THRB: variants seen among roughly 807,000 people sequenced by gnomAD.
THRB encodes thyroid hormone receptor beta, also known as nuclear receptor subfamily 1 group A member 2.
A neutral mutation model predicts 47.8 loss-of-function variants in THRB; 12 were observed. The observed-to-expected ratio is 0.25, with a 90% CI of 0.16 to 0.41. The LOEUF is 0.41. Among genes scored for constraint, THRB ranks in the 10% least tolerant of loss-of-function variants. The pLI, the probability that THRB is intolerant of heterozygous loss-of-function variation, is 1.00. For missense variants in THRB, 348 were observed against 589.2 expected (o/e 0.59, Z 4.24); for synonymous variants, 218 against 212.2 (o/e 1.03, Z -0.24).
chr3:24,371,538 C>T (rs753106460), intron 1 of THRB, among the ~76,000 whole-genome samples: 22 of 151,952 alleles, frequency 1.4e-4, no homozygotes, highest in Admixed American at 3.3e-4. Flanking sequence ...GTAGAAATGC[C>T]GGCAGTGTCA....
chr3:24,220,370 A>C (rs1039487410), intron 4 of THRB, among the ~76,000 whole-genome samples: 1 of 152,148 alleles, frequency 6.6e-6, no homozygotes, highest in African/African-American at 2.4e-5. Context: ...GAGTTCCTGT[A>C]GTCCCAGCTA....
chr3:24,460,943 A>G (rs1477821375), intron 1 of THRB, among the ~76,000 whole-genome samples: 1 of 152,200 alleles, frequency 6.6e-6, no homozygotes, highest in Non-Finnish European at 1.5e-5. Flanking sequence ...GGAAAGTTGT[A>G]AAGCCCCCCA....
At chr3:24,148,316 G>A (rs1197348517) in intron 6 of THRB, among the ~76,000 whole-genome samples, 2 of 152,074 alleles carry the variant, frequency 1.3e-5, no homozygotes, top group Non-Finnish European at 2.9e-5. Flanking sequence ...TAGTAGAGAC[G>A]GGGTTTTGCC....
intron 1 of THRB, among the ~76,000 whole-genome samples, chr3:24,419,528 C>T (rs1168579631): frequency 6.6e-6 from 1 of 151,790 alleles, no homozygotes; most frequent in Non-Finnish European, 1.5e-5. Flanking sequence ...CCTTTTGATT[C>T]CTATTTGAGA....
At chr3:24,493,860 A>G (rs1698573954) in intron 1 of THRB, among the ~76,000 whole-genome samples, 1 of 152,262 alleles carries the variant, frequency 6.6e-6, no homozygotes, top group East Asian at 1.9e-4. Context: ...ATCCTCCCCC[A>G]AAGTGACAAC....
chr3:24,129,020 GTTA>G (rs1425237274), intron 9 of THRB, among the ~76,000 whole-genome samples: 1 of 151,806 alleles, frequency 6.6e-6, no homozygotes, highest in Non-Finnish European at 1.5e-5. Flanking sequence ...TCCAATTTAG[GTTA>G]TTATATAAAA....
chr3:24,228,581 C>T, intron 4 of THRB, among the ~76,000 whole-genome samples: 1 of 148,132 alleles, frequency 6.8e-6, no homozygotes, highest in East Asian at 2.0e-4. Context: ...TGCAGTAAAC[C>T]GTGAGTGCAC....
At chr3:24,253,967 T>C (rs951001639) in intron 3 of THRB, among the ~76,000 whole-genome samples, 8 of 151,556 alleles carry the variant, frequency 5.3e-5, no homozygotes, top group Non-Finnish European at 1.2e-4. Context: ...TTTTTTTTCT[T>C]ACCACACAAG....
intron 5 of THRB, among the ~76,000 whole-genome samples, chr3:24,153,632 G>A (rs2037354413): frequency 1.3e-5 from 2 of 152,148 alleles, no homozygotes; most frequent in Non-Finnish European, 2.9e-5. Flanking sequence ...TGCTCCTTCA[G>A]CTTCCTGTGG....
rs1033590905 is a variant in THRB at position 24,120,135 on chromosome 3, C to T, written c.*2749G>A. The T allele has an allele frequency of 6.6e-6, 1 of 152,216 alleles. No homozygotes were observed. The highest frequency in any genetic ancestry group is 2.4e-5 in the African/African-American group (1 of 41,444). 9.4% of individuals were successfully genotyped at this position (152,216 alleles called of 1,614,324 possible). A position where few individuals can be genotyped will look rare whatever the true frequency, so the allele number is the denominator to read the frequency against. ...TTATGAGATGGAGTCTTGAGATGCA[C>T]TAAGTACCTCTGTCAGCTTCAGAAG... On this transcript the variant is annotated 3_prime_UTR_variant, in exon 11 of 11. Transcript: ENST00000646209.
chr3:24,395,983 T>C (rs553244820), intron 1 of THRB, among the ~76,000 whole-genome samples: 10 of 151,978 alleles, frequency 6.6e-5, no homozygotes, highest in Middle Eastern at 3.4e-3. Flanking sequence ...TGCCTAGAGG[T>C]AGAGTGGGAG....
At chr3:24,139,017 C>T (rs956361740) in intron 8 of THRB, among the ~76,000 whole-genome samples, 5 of 152,316 alleles carry the variant, frequency 3.3e-5, no homozygotes, top group Middle Eastern at 3.4e-3. Flanking sequence ...GGTCTAGAAG[C>T]GAGCTACCCT....
chr3:24,209,029 T>C (rs1051916401), intron 4 of THRB, among the ~76,000 whole-genome samples: 2 of 152,168 alleles, frequency 1.3e-5, no homozygotes, highest in Non-Finnish European at 2.9e-5. Context: ...TTGAAGGATA[T>C]GAACAGACTC....
At chr3:24,417,876 A>C (rs1470673477) in intron 1 of THRB, among the ~76,000 whole-genome samples, 3 of 151,836 alleles carry the variant, frequency 2.0e-5, no homozygotes, top group Non-Finnish European at 4.4e-5. Context: ...GATTTAGAGG[A>C]ATTAAGTAAT....
intron 4 of THRB, among the ~76,000 whole-genome samples, chr3:24,206,201 C>G (rs2045331641): frequency 6.6e-6 from 1 of 152,178 alleles, no homozygotes; most frequent in South Asian, 2.1e-4. Context: ...AATATACATT[C>G]TTCTCAGCAC....
chr3:24,222,590 C>T (rs1028581837), intron 4 of THRB, among the ~76,000 whole-genome samples: 5 of 152,126 alleles, frequency 3.3e-5, no homozygotes, highest in Non-Finnish European at 5.9e-5. Context: ...GATGTCTGAG[C>T]ATGAATTTAA....
At chr3:24,414,494 A>T (rs568975621) in intron 1 of THRB, among the ~76,000 whole-genome samples, 9 of 151,624 alleles carry the variant, frequency 5.9e-5, no homozygotes, top group Admixed American at 2.6e-4. Flanking sequence ...ATTCAGGCCA[A>T]AAAAAAAGTT....
intron 1 of THRB, among the ~76,000 whole-genome samples, chr3:24,377,206 G>T (rs1161125411): frequency 6.6e-6 from 1 of 151,944 alleles, no homozygotes; most frequent in Non-Finnish European, 1.5e-5. Context: ...CGGCCTCCCT[G>T]TCTCCTACTT....
intron 1 of THRB, among the ~76,000 whole-genome samples, chr3:24,409,912 A>G (rs778310571): frequency 6.6e-5 from 10 of 151,848 alleles, no homozygotes; most frequent in Non-Finnish European, 1.0e-4. Flanking sequence ...TGTCTGGTTT[A>G]CCTATTGCTA....
Sources: gnomAD v4.1 joint callset for allele counts (sites outside exome capture counted in the v4.1 genomes callset) on GRCh38, gnomAD v4.1.1 for gene constraint, MANE v1.5 for transcripts, NCBI Gene and HGNC (gene_info 2026-07-23, HGNC 2026-07-21) for gene names.